The following TACC2 variants were observed in gnomAD, a reference collection of about 807,000 sequenced individuals.
TACC2 encodes transforming acidic coiled-coil containing protein 2.
A neutral mutation model predicts 227.3 loss-of-function variants in TACC2; 137 were observed. The ratio of observed to expected loss-of-function variants is 0.60; its 90% CI spans 0.52 to 0.69. The LOEUF is 0.69. Among genes scored for constraint, TACC2 ranks in the 30% least tolerant of loss-of-function variants. TACC2 has a pLI of 0.00. For synonymous variants in TACC2, 1,523 were observed against 1,487.5 expected, an observed-to-expected ratio of 1.02 and a Z score of -0.55; for missense variants, 3,470 against 3,694.4, an observed-to-expected ratio of 0.94 and a Z score of 1.57.
intron 16 of TACC2, among the ~76,000 whole-genome samples, chr10:122,233,804 G>A (rs1012007004): frequency 6.6e-6 from 1 of 152,124 alleles, no homozygotes; most frequent in African/African-American, 2.4e-5. Context: ...GGGCAGGAGC[G>A]GCTGGCTGTT....
chr10:122,077,467 C>T (rs535345987), intron 3 of TACC2, among the ~76,000 whole-genome samples: 23 of 151,896 alleles, frequency 1.5e-4, no homozygotes, highest in Non-Finnish European at 2.6e-4. Context: ...CCCTGAGAAG[C>T]GAAGAGTGGA....
chr10:121,996,475 C>T (rs1433753818), intron 1 of TACC2, among the ~76,000 whole-genome samples: 2 of 152,190 alleles, frequency 1.3e-5, no homozygotes, highest in Non-Finnish European at 2.9e-5. Flanking sequence ...TCCCACCAGG[C>T]CCCACTTCCA....
intron 2 of TACC2, among the ~76,000 whole-genome samples, chr10:122,047,288 CAAAAAAAAAAAAAAAA>C (rs371181114): frequency 3.3e-5 from 2 of 60,870 alleles, no homozygotes; most frequent in South Asian, 1.0e-3. Flanking sequence ...GACTCCGTCT[CAAAAAAAAAAAAAAAA>C]AAAAAAAAAA....
intron 5 of TACC2, among the ~76,000 whole-genome samples, chr10:122,092,872 G>A (rs1177910590): frequency 1.3e-5 from 2 of 152,222 alleles, no homozygotes; most frequent in Non-Finnish European, 2.9e-5. Flanking sequence ...GGGACTCAGA[G>A]ACAGCCTCAT....
At chr10:122,196,974 T>C (rs1230901879) in intron 8 of TACC2, among the ~76,000 whole-genome samples, 1 of 143,230 alleles carries the variant, frequency 7.0e-6, no homozygotes, top group Non-Finnish European at 1.5e-5. Context: ...GAATAAACTA[T>C]GCTTGGCCGG....
At chr10:122,181,330 G>A (rs186498758) in intron 7 of TACC2, among the ~76,000 whole-genome samples, 34 of 152,130 alleles carry the variant, frequency 2.2e-4, no homozygotes, top group African/African-American at 7.0e-4. Flanking sequence ...TGGTACAGCT[G>A]TCCCCTGGCT....
At chr10:122,239,087 TC>T (rs2095924207) in intron 18 of TACC2, among the ~76,000 whole-genome samples, 1 of 152,042 alleles carries the variant, frequency 6.6e-6, no homozygotes, top group African/African-American at 2.4e-5. Flanking sequence ...CACTATAACC[TC>T]CGCCTCCCGG....
At position 122,192,839 on chromosome 10, in the gene TACC2, G is replaced by A. The variant is rs1176622718; in HGVS notation, c.5835-2201G>A. On this transcript the variant is annotated intron_variant, in intron 7 of 22. Transcript: ENST00000369005. ...TATCTTGTCAGTGTTGCTCATGATG[G>A]TGCAGTGCTGGGGGCCTGGTGAGGA... The A allele has an allele frequency of 1.8e-5, 8 of 449,040 alleles. No individual in the cohort carries two copies. The East Asian group carries it at 4.9e-4, about 28-fold the overall frequency. The allele number at this position is 449,040 out of a possible 1,614,324, so 27.8% of individuals were successfully genotyped here. A position where few individuals can be genotyped will look rare whatever the true frequency, so the allele number is the denominator to read the frequency against.
chr10:122,094,955 T>G (rs2081221636), intron 5 of TACC2, among the ~76,000 whole-genome samples: 1 of 152,206 alleles, frequency 6.6e-6, no homozygotes, highest in Non-Finnish European at 1.5e-5. Context: ...GCAGCAATGT[T>G]TGAGAGATGA....
chr10:122,102,204 A>T (rs10887067), intron 5 of TACC2, among the ~76,000 whole-genome samples: 34,471 of 151,988 alleles, frequency 0.23, 4,275 homozygotes, highest in East Asian at 0.48. Context: ...GCTTAAAAAA[A>T]ATATTGATGC....
At chr10:122,110,160 G>A (rs536315838) in intron 5 of TACC2, among the ~76,000 whole-genome samples, 1 of 152,128 alleles carries the variant, frequency 6.6e-6, no homozygotes, top group African/African-American at 2.4e-5. Context: ...CCATAGCCTG[G>A]TACTCAGGCA....
At chr10:122,198,030 C>T (rs1318425716) in intron 8 of TACC2, among the ~76,000 whole-genome samples, 6 of 152,212 alleles carry the variant, frequency 3.9e-5, no homozygotes, top group South Asian at 2.1e-4. Flanking sequence ...CGGGATGTTG[C>T]GAAAGGTGCT....
intron 2 of TACC2, among the ~76,000 whole-genome samples, chr10:122,042,440 A>G (rs1267393885): frequency 6.6e-6 from 1 of 151,688 alleles, no homozygotes; most frequent in Admixed American, 6.6e-5. Flanking sequence ...ATGGGGTTTC[A>G]CCATGTTGGC....
At chr10:122,011,362 G>A (rs190241698) in intron 1 of TACC2, among the ~76,000 whole-genome samples, 247 of 152,242 alleles carry the variant, frequency 1.6e-3, no homozygotes, top group African/African-American at 5.5e-3. Context: ...ACAGAGTCTC[G>A]CTCTGTTGCC....
intron 3 of TACC2, chr10:122,051,723 A>G (rs1281414621): frequency 2.7e-5 from 4 of 150,410 alleles, no homozygotes; most frequent in African/African-American, 4.9e-5. Flanking sequence ...TTTGACTCAC[A>G]TGCTACTTCA....
rs944637263 is a variant in TACC2, at chr10:122,210,982, C to G, written c.6557C>G (p.Ala2186Gly). ...ESAKTEGPSP[A>G]LLEETPLEPA... ...GCCAAGACGGAAGGTCCTAGCCCAG[C>G]CTTATTGGAGGAGACGCCCCTTGAG... The change falls in exon 9 of 23, where the codon GCC (alanine) becomes GGC (glycine). Residue 2186 changes from alanine (A) to glycine (G), a missense_variant. Ala to Gly is a moderately conservative substitution (Grantham distance 60). Transcript: ENST00000369005. The surrounding 1 kb of genome is among the most constrained non-coding windows in gnomAD (Gnocchi z 4.6). The G allele has an allele frequency of 2.5e-6, 4 of 1,613,300 alleles. No homozygotes were observed. The highest frequency in any genetic ancestry group is 1.7e-5 in the Admixed American group (1 of 59,850).
In TACC2 at chr10:122,230,396, G is replaced by C. The variant is rs1334932533; in HGVS notation, c.8083G>C (p.Ala2695Pro). The change falls in exon 16 of 23, where the codon GCC becomes CCC. Residue 2695 changes from alanine (A) to proline (P), a missense_variant. This residue lies in a region of TACC2 where 345 missense variants were observed against 354.4 expected (regional missense o/e 0.97). Coordinates refer to ENST00000369005, the MANE Select transcript of TACC2 (RefSeq NM_206862.4). Reference protein sequence around the residue: ...AIMRIEALKLARQIALASRSH... With the variant: ...AIMRIEALKLPRQIALASRSH... ...CATGCGGATAGAAGCCCTGAAGCTGGCCAGGCAGATTGCTTTGGCTTCCCG... is the reference window on the plus strand; with the variant it reads ...CATGCGGATAGAAGCCCTGAAGCTGCCCAGGCAGATTGCTTTGGCTTCCCG... 6.2e-7 allele frequency: 1 copy of C among 1,614,210 alleles called. No homozygotes were observed. Among genetic ancestry groups the C allele is most frequent in the Non-Finnish European group, 8.5e-7 (1 of 1,180,044 alleles).
At chr10:122,199,018 G>T (rs996366033) in intron 8 of TACC2, among the ~76,000 whole-genome samples, 2 of 152,238 alleles carry the variant, frequency 1.3e-5, no homozygotes, top group Non-Finnish European at 2.9e-5. Flanking sequence ...GCCCTTCAGG[G>T]ACATTGTTCA....
intron 18 of TACC2, among the ~76,000 whole-genome samples, chr10:122,240,358 C>T (rs1589871163): frequency 6.6e-6 from 1 of 152,128 alleles, no homozygotes; most frequent in Non-Finnish European, 1.5e-5. Flanking sequence ...TTGGAAAGAA[C>T]CCTCGGAGGC....
Sources: allele counts gnomAD v4.1 joint callset (sites outside exome capture counted in the v4.1 genomes callset), GRCh38; gene constraint gnomAD v4.1.1; regional missense constraint gnomAD v4.1.1; non-coding constraint Gnocchi (gnomAD v3.1); transcripts MANE v1.5; gene names NCBI Gene and HGNC (gene_info 2026-07-23, HGNC 2026-07-21).